The following GULP1 variants were observed in gnomAD, a reference collection of about 807,000 sequenced individuals.
GULP1 encodes GULP PTB domain containing engulfment adaptor 1.
A neutral mutation model predicts 40.9 loss-of-function variants in GULP1; 19 were observed. The ratio of observed to expected loss-of-function variants is 0.46; its 90% CI spans 0.32 to 0.68. GULP1 has a LOEUF of 0.68. Ranked by LOEUF, GULP1 falls within the 30% of genes least tolerant of loss-of-function variation. The probability of loss-of-function intolerance (pLI) is 0.03; values close to 1 mark genes in which losing one functional copy is unlikely to be tolerated. For synonymous variants in GULP1, 119 were observed against 117.6 expected, an observed-to-expected ratio of 1.01 and a Z score of -0.08; for missense variants, 312 against 362.2, an observed-to-expected ratio of 0.86 and a Z score of 1.12.
At chr2:188,474,802 T>C (rs962138460) in intron 2 of GULP1, among the ~76,000 whole-genome samples, 1 of 152,164 alleles carries the variant, frequency 6.6e-6, no homozygotes, top group Admixed American at 6.5e-5. Context: ...GCCATCTTGT[T>C]CTGCCTCCCA....
intron 2 of GULP1, among the ~76,000 whole-genome samples, chr2:188,424,985 T>C (rs1470986364): frequency 6.6e-6 from 1 of 152,042 alleles, no homozygotes; most frequent in Non-Finnish European, 1.5e-5. Flanking sequence ...TGTTCTTTCA[T>C]TGGGAGTTAT....
chr2:188,488,159 T>G (rs2062024556), intron 4 of GULP1, among the ~76,000 whole-genome samples: 1 of 152,006 alleles, frequency 6.6e-6, no homozygotes, highest in Non-Finnish European at 1.5e-5. Flanking sequence ...CCTACGTATC[T>G]GACATGCTCA....
At chr2:188,527,655 C>T (rs771328696) in intron 5 of GULP1, among the ~76,000 whole-genome samples, 9 of 152,112 alleles carry the variant, frequency 5.9e-5, no homozygotes, top group East Asian at 1.9e-4. Flanking sequence ...AACCTAAGTT[C>T]GTAGAGCAAG....
intron 4 of GULP1, among the ~76,000 whole-genome samples, chr2:188,501,395 C>T (rs180955954): frequency 9.2e-5 from 14 of 152,014 alleles, no homozygotes; most frequent in African/African-American, 2.7e-4. Context: ...CTTCCCATCA[C>T]GTGGAACTGT....
At chr2:188,546,120 A>T (rs1307546331) in intron 7 of GULP1, among the ~76,000 whole-genome samples, 1 of 151,946 alleles carries the variant, frequency 6.6e-6, no homozygotes, top group Non-Finnish European at 1.5e-5. Flanking sequence ...ATAGACAAAT[A>T]CGCAATTATA....
At chr2:188,323,104 AATTT>A (rs1451164926) in intron 1 of GULP1, among the ~76,000 whole-genome samples, 2 of 151,832 alleles carry the variant, frequency 1.3e-5, no homozygotes, top group Non-Finnish European at 2.9e-5. Context: ...AACCAATATA[AATTT>A]ATTTGTCTGT....
intron 11 of GULP1, chr2:188,590,708 A>G (rs1378505430): frequency 6.6e-6 from 1 of 152,216 alleles, no homozygotes; most frequent in African/African-American, 2.4e-5. Flanking sequence ...TGTCCAGTAC[A>G]TGTCACCAAC....
intron 2 of GULP1, among the ~76,000 whole-genome samples, chr2:188,388,749 C>G (rs2050126591): frequency 6.6e-6 from 1 of 152,106 alleles, no homozygotes; most frequent in Non-Finnish European, 1.5e-5. Context: ...GACATAATCT[C>G]TACCCTTGAG....
At chr2:188,513,907 C>A (rs1429359582) in intron 4 of GULP1, among the ~76,000 whole-genome samples, 1 of 152,116 alleles carries the variant, frequency 6.6e-6, no homozygotes, top group East Asian at 1.9e-4. Flanking sequence ...AGTTCCCAGA[C>A]AGGGCTACTG....
intron 4 of GULP1, among the ~76,000 whole-genome samples, chr2:188,520,420 C>T (rs1164891769): frequency 6.6e-6 from 1 of 151,656 alleles, no homozygotes; most frequent in Non-Finnish European, 1.5e-5. Flanking sequence ...CCTGTAATCC[C>T]AGCTGAGGCT....
At chr2:188,345,795 G>C (rs2043566981) in intron 1 of GULP1, among the ~76,000 whole-genome samples, 1 of 152,156 alleles carries the variant, frequency 6.6e-6, no homozygotes, top group South Asian at 2.1e-4. Flanking sequence ...TAGAAGAGAG[G>C]AGAAAATGAT....
intron 1 of GULP1, among the ~76,000 whole-genome samples, chr2:188,323,991 A>G (rs12693497): frequency 0.15 from 23,004 of 152,042 alleles, 1,892 homozygotes; most frequent in African/African-American, 0.17. Context: ...TAATTGTGTC[A>G]TATAGTTAGG....
intron 7 of GULP1, 154 bp downstream of exon 7, chr2:188,541,472 T>G (rs1293091356): frequency 1.4e-6 from 1 of 728,026 alleles, no homozygotes; most frequent in Non-Finnish European, 2.5e-6. Flanking sequence ...AATAGATTTA[T>G]TTTGTCATGA....
At chr2:188,441,204 G>A (rs1226929405) in intron 2 of GULP1, among the ~76,000 whole-genome samples, 1 of 152,040 alleles carries the variant, frequency 6.6e-6, no homozygotes, top group Non-Finnish European at 1.5e-5. Flanking sequence ...GATCCTCTCC[G>A]AATCCATCTG....
At chr2:188,312,002 G>A (rs1183214788) in intron 1 of GULP1, among the ~76,000 whole-genome samples, 6 of 151,608 alleles carry the variant, frequency 4.0e-5, no homozygotes, top group Admixed American at 3.9e-4. Context: ...AGAATTTAGA[G>A]AAATACAGCA....
At chr2:188,481,297 G>T (rs1379342053) in intron 3 of GULP1, among the ~76,000 whole-genome samples, 1 of 151,854 alleles carries the variant, frequency 6.6e-6, no homozygotes, top group African/African-American at 2.4e-5. Context: ...TCCTACTCAA[G>T]ATTTAGTCCT....
chr2:188,541,048 A>G (rs1690349074), intron 6 of GULP1, 133 bp from the exon 7 acceptor site: 1 of 736,506 alleles, frequency 1.4e-6, no homozygotes, highest in Non-Finnish European at 2.2e-6. Context: ...GTTGGGGTGT[A>G]CATAATTATA....
At chr2:188,542,137 G>A (rs1690692915) in intron 7 of GULP1, 5 of 151,746 alleles carry the variant, frequency 3.3e-5, no homozygotes, top group Admixed American at 2.0e-4. Flanking sequence ...TTAAAATAAT[G>A]AAAGTTAATG....
At chr2:188,352,527 G>A (rs768093393) in intron 1 of GULP1, among the ~76,000 whole-genome samples, 2 of 151,698 alleles carry the variant, frequency 1.3e-5, no homozygotes, top group Non-Finnish European at 2.9e-5. Context: ...CATTGCATGA[G>A]CCCATTTGCC....
Sources: gnomAD v4.1 joint callset for allele counts (sites outside exome capture counted in the v4.1 genomes callset) on GRCh38, gnomAD v4.1.1 for gene constraint, MANE v1.5 for transcripts, NCBI Gene and HGNC (gene_info 2026-07-23, HGNC 2026-07-21) for gene names.